RAB3C: variants seen among roughly 807,000 people sequenced by gnomAD.
RAB3C encodes RAB3C, member RAS oncogene family.
Under a neutral mutation model 26.4 loss-of-function variants are expected in RAB3C, and 17 were observed. That is an observed-to-expected ratio of 0.64 (90% CI 0.44 to 0.97). The LOEUF is 0.97. RAB3C is among the 50% of genes least tolerant of loss of function. RAB3C has a pLI of 0.00. For synonymous variants in RAB3C, 91 were observed against 95.9 expected (o/e 0.95, Z 0.30); for missense variants, 242 against 281.9 (o/e 0.86, Z 1.01).
intron 3 of RAB3C, among the ~76,000 whole-genome samples, chr5:58,790,305 G>A (rs1179693568): frequency 6.6e-6 from 1 of 152,054 alleles, no homozygotes; most frequent in Admixed American, 6.6e-5. Context: ...CCACTAGATG[G>A]CTGCTATATA....
chr5:58,761,920 C>T (rs1741804462), intron 3 of RAB3C, among the ~76,000 whole-genome samples: 1 of 151,500 alleles, frequency 6.6e-6, no homozygotes, highest in Non-Finnish European at 1.5e-5. Context: ...ATATGAAGCC[C>T]AAGAATATGT....
chr5:58,592,919 G>A (rs893074834), intron 1 of RAB3C, among the ~76,000 whole-genome samples: 1 of 152,056 alleles, frequency 6.6e-6, no homozygotes, highest in Non-Finnish European at 1.5e-5. Flanking sequence ...TGGCGAATTG[G>A]ATAAGCTTCT....
chr5:58,670,843 A>T (rs951794598), intron 2 of RAB3C, among the ~76,000 whole-genome samples: 2 of 152,200 alleles, frequency 1.3e-5, no homozygotes, highest in Admixed American at 6.5e-5. Context: ...CTATTGACTC[A>T]GACTTGCCCT....
intron 2 of RAB3C, among the ~76,000 whole-genome samples, chr5:58,684,888 T>A (rs1388590436): frequency 6.6e-6 from 1 of 152,200 alleles, no homozygotes; most frequent in Non-Finnish European, 1.5e-5. Context: ...TGCTATCCAC[T>A]TGTTTTAGAG....
At chr5:58,669,080 C>A (rs1484346564) in intron 2 of RAB3C, among the ~76,000 whole-genome samples, 4 of 152,096 alleles carry the variant, frequency 2.6e-5, no homozygotes, top group Admixed American at 2.0e-4. Flanking sequence ...ACCCCCACAA[C>A]CTAATTACCT....
chr5:58,761,611 C>A (rs990570751), intron 3 of RAB3C, among the ~76,000 whole-genome samples: 2 of 152,028 alleles, frequency 1.3e-5, no homozygotes, highest in African/African-American at 4.8e-5. Flanking sequence ...TCCTGGAAAC[C>A]CTGAACTTTG....
chr5:58,758,133 A>G (rs1741715559), intron 3 of RAB3C, among the ~76,000 whole-genome samples: 1 of 151,766 alleles, frequency 6.6e-6, no homozygotes, highest in African/African-American at 2.4e-5. Context: ...TTTAGTAGAG[A>G]TGGGGTTTCA....
At chr5:58,646,739 G>T (rs1181817329) in intron 2 of RAB3C, among the ~76,000 whole-genome samples, 3 of 152,162 alleles carry the variant, frequency 2.0e-5, no homozygotes, top group Non-Finnish European at 4.4e-5. Flanking sequence ...CTCACCACTT[G>T]TGGGGGCAGG....
At chr5:58,767,515 GA>G (rs1741930946) in intron 3 of RAB3C, among the ~76,000 whole-genome samples, 1 of 152,198 alleles carries the variant, frequency 6.6e-6, no homozygotes, top group Non-Finnish European at 1.5e-5. Flanking sequence ...AAAAAGAAGA[GA>G]AATAATACTG....
intron 2 of RAB3C, among the ~76,000 whole-genome samples, chr5:58,660,441 G>A (rs576663239): frequency 1.1e-4 from 16 of 150,246 alleles, no homozygotes; most frequent in South Asian, 2.1e-4. Context: ...AGAGGACGAC[G>A]TAAATAGACT....
intron 2 of RAB3C, among the ~76,000 whole-genome samples, chr5:58,714,852 A>G (rs905002105): frequency 1.3e-5 from 2 of 152,030 alleles, no homozygotes; most frequent in South Asian, 2.1e-4. Flanking sequence ...GAAACATAAC[A>G]TAATCAGACC....
At chr5:58,615,279 C>G (rs1425229214) in intron 1 of RAB3C, among the ~76,000 whole-genome samples, 1 of 152,070 alleles carries the variant, frequency 6.6e-6, no homozygotes, top group African/African-American at 2.4e-5. Flanking sequence ...GTGAGCAGCT[C>G]TAGGAAATAT....
chr5:58,780,488 G>A (rs1194574231), intron 3 of RAB3C, among the ~76,000 whole-genome samples: 1 of 152,044 alleles, frequency 6.6e-6, no homozygotes, highest in African/African-American at 2.4e-5. Flanking sequence ...AAAAATATTG[G>A]TCTGGATCCT....
intron 1 of RAB3C, among the ~76,000 whole-genome samples, chr5:58,589,093 C>T (rs1253569811): frequency 6.6e-6 from 1 of 152,080 alleles, no homozygotes; most frequent in Non-Finnish European, 1.5e-5. Context: ...TTATATTGAA[C>T]AAATTTGATT....
At chr5:58,663,706 A>G (rs1260535851) in intron 2 of RAB3C, among the ~76,000 whole-genome samples, 3 of 152,194 alleles carry the variant, frequency 2.0e-5, no homozygotes, top group Non-Finnish European at 4.4e-5. Context: ...AAATTAAACC[A>G]TAGTGGGATA....
At chr5:58,673,054 G>T (rs1445918822) in intron 2 of RAB3C, among the ~76,000 whole-genome samples, 1 of 152,032 alleles carries the variant, frequency 6.6e-6, no homozygotes, top group Non-Finnish European at 1.5e-5. Context: ...GTTTTGTTGG[G>T]GTGAGGGGAA....
chr5:58,779,120 A>C (rs1454408567), intron 3 of RAB3C, among the ~76,000 whole-genome samples: 2 of 152,002 alleles, frequency 1.3e-5, no homozygotes, highest in Non-Finnish European at 1.5e-5. Flanking sequence ...AGAGCTGAAC[A>C]CTCATAATGT....
At chr5:58,801,875 G>A (rs888556015) in intron 3 of RAB3C, among the ~76,000 whole-genome samples, 5 of 152,214 alleles carry the variant, frequency 3.3e-5, no homozygotes, top group African/African-American at 1.2e-4. Context: ...CAGCTTTCTA[G>A]CTATGGCTCC....
intron 4 of RAB3C, 104 bp from the exon 5 acceptor site, chr5:58,851,060 T>C: frequency 8.9e-7 from 1 of 1,125,324 alleles, no homozygotes; most frequent in Non-Finnish European, 1.3e-6. Flanking sequence ...TACCACCCAC[T>C]GATGTCTCAC....
Sources: gnomAD v4.1 joint callset for allele counts (sites outside exome capture counted in the v4.1 genomes callset) on GRCh38, gnomAD v4.1.1 for gene constraint, MANE v1.5 for transcripts, NCBI Gene and HGNC (gene_info 2026-07-23, HGNC 2026-07-21) for gene names.